SMAD2: variants seen among roughly 807,000 people sequenced by gnomAD.
SMAD2 encodes the protein MAD homolog 2.
A neutral mutation model predicts 64.4 loss-of-function variants in SMAD2; 8 were observed. The ratio of observed to expected loss-of-function variants is 0.12; its 90% CI spans 0.07 to 0.22. The LOEUF (loss-of-function observed/expected upper bound fraction) is 0.22. SMAD2 is among the 10% of genes least tolerant of loss of function. The pLI, the probability that SMAD2 is intolerant of heterozygous loss-of-function variation, is 1.00. For synonymous variants in SMAD2, 203 were observed against 195.8 expected, an observed-to-expected ratio of 1.04 and a Z score of -0.31; for missense variants, 289 against 561.2, an observed-to-expected ratio of 0.51 and a Z score of 4.90.
intron 2 of SMAD2, among the ~76,000 whole-genome samples, chr18:47,889,575 T>C (rs1014508587): frequency 6.6e-6 from 1 of 151,980 alleles, no homozygotes; most frequent in African/African-American, 2.4e-5. Flanking sequence ...ATCGAGACCA[T>C]CCTGGCTAAC....
At chr18:47,924,784 T>C (rs2034698458) in intron 1 of SMAD2, among the ~76,000 whole-genome samples, 1 of 152,190 alleles carries the variant, frequency 6.6e-6, no homozygotes, top group South Asian at 2.1e-4. Flanking sequence ...CATTCTGAAA[T>C]GAAAGACGTG....
In SMAD2 at chr18:47,822,459, CAAA is replaced by C. The variant is rs1414818973; in HGVS notation, c.*19365_*19367del. On this transcript the variant is annotated 3_prime_UTR_variant, in exon 11 of 11. Coordinates refer to ENST00000262160, the MANE Select transcript of SMAD2 (RefSeq NM_005901.6). ...AACTACTAATTAAGATCAACCACAA[CAAA>C]AAAAGTTACATGAGACTAAGTAACT... 2.0e-5 allele frequency: 3 copies of C among 152,050 alleles called. No homozygotes were observed. The allele number at this position is 152,050 out of a possible 1,614,324, so 9.4% of individuals were successfully genotyped here. A position where few individuals can be genotyped will look rare whatever the true frequency, so the allele number is the denominator to read the frequency against.
At chr18:47,901,575 T>TAC (rs10651360) in intron 1 of SMAD2, among the ~76,000 whole-genome samples, 86,917 of 151,746 alleles carry the variant, frequency 0.57, 25,253 homozygotes, top group East Asian at 0.82. Flanking sequence ...ATTCATTTGT[T>TAC]ACATTCTTTT....
At chr18:47,850,396 TTA>T (rs531314625) in intron 7 of SMAD2, among the ~76,000 whole-genome samples, 5 of 21,920 alleles carry the variant, frequency 2.3e-4, no homozygotes, top group African/African-American at 2.2e-4. Flanking sequence ...ATAATATATA[TTA>T]TATATTATGT....
At chr18:47,915,576 A>C (rs185571681) in intron 1 of SMAD2, among the ~76,000 whole-genome samples, 66 of 152,346 alleles carry the variant, frequency 4.3e-4, no homozygotes, top group African/African-American at 1.6e-3. Context: ...TTAACCAAAA[A>C]AAGTCCCACA....
At chr18:47,864,425 A>C (rs2031408819) in intron 6 of SMAD2, among the ~76,000 whole-genome samples, 1 of 152,206 alleles carries the variant, frequency 6.6e-6, no homozygotes, top group Admixed American at 6.5e-5. Context: ...TGTGATATTA[A>C]GGTGTCCAAC....
At chr18:47,923,175 T>C (rs1488370742) in intron 1 of SMAD2, among the ~76,000 whole-genome samples, 1 of 146,780 alleles carries the variant, frequency 6.8e-6, no homozygotes, top group African/African-American at 2.6e-5. Context: ...ATTCCCAGAT[T>C]ATTAAAAAAA....
chr18:47,894,958 T>A (rs546173679), intron 2 of SMAD2, among the ~76,000 whole-genome samples: 1 of 152,318 alleles, frequency 6.6e-6, no homozygotes, highest in Admixed American at 6.5e-5. Flanking sequence ...TTACTTCGTG[T>A]GCTAGCACAG....
intron 1 of SMAD2, among the ~76,000 whole-genome samples, chr18:47,898,222 T>C (rs767945894): frequency 3.1e-4 from 47 of 152,194 alleles, no homozygotes; most frequent in Non-Finnish European, 5.7e-4. Flanking sequence ...ACATTGCTGG[T>C]GAAAAGGTCA....
At chr18:47,876,136 A>G (rs1487855646) in intron 2 of SMAD2, among the ~76,000 whole-genome samples, 1 of 152,050 alleles carries the variant, frequency 6.6e-6, no homozygotes, top group Non-Finnish European at 1.5e-5. Context: ...AACATATCCT[A>G]AAGAGATTAT....
rs1006908210 is a variant in SMAD2 at position 47,837,514 on chromosome 18, A to G, written c.*4313T>C. Reference sequence around the variant, plus strand: ...GAGGCGGAGCTTGCAGTGAACCAAGATCGCACCACTGCACTCCAGGTTGGG... The same window carrying G: ...GAGGCGGAGCTTGCAGTGAACCAAGGTCGCACCACTGCACTCCAGGTTGGG... On this transcript the variant is annotated 3_prime_UTR_variant, in exon 11 of 11. Coordinates refer to ENST00000262160, the MANE Select transcript of SMAD2 (RefSeq NM_005901.6). 2.3e-5 allele frequency: 5 copies of G among 216,614 alleles called. No homozygotes were observed. In the South Asian group the frequency reaches 9.7e-4, roughly 42 times the overall value. The allele number at this position is 216,614 out of a possible 1,614,324, so 13.4% of individuals were successfully genotyped here. A position where few individuals can be genotyped will look rare whatever the true frequency, so the allele number is the denominator to read the frequency against.
chr18:47,912,068 C>G (rs568966028), intron 1 of SMAD2: 2 of 152,278 alleles, frequency 1.3e-5, no homozygotes, highest in African/African-American at 4.8e-5. Flanking sequence ...AAGTTGACAC[C>G]AGAGCACAAG....
At chr18:47,849,307 T>C (rs1914848748) in intron 7 of SMAD2, among the ~76,000 whole-genome samples, 1 of 152,108 alleles carries the variant, frequency 6.6e-6, no homozygotes, top group Non-Finnish European at 1.5e-5. Context: ...ACTACTTATT[T>C]CACTGGAAAA....
At chr18:47,922,984 T>G (rs765399505) in intron 1 of SMAD2, among the ~76,000 whole-genome samples, 1 of 151,958 alleles carries the variant, frequency 6.6e-6, no homozygotes, top group Non-Finnish European at 1.5e-5. Context: ...AAGCTTGAAT[T>G]TAATTCAAGA....
In SMAD2 at chr18:47,930,627, G is replaced by T. The variant is rs1479054839; in HGVS notation, c.-320C>A. ...GGGGAGGGGAGGGAGCCTGGCCGCC[G>T]CCCGCGGGGAAGGAGGGGGTGAGGA... On this transcript the variant is annotated 5_prime_UTR_variant, in exon 1 of 11. Transcript: ENST00000262160. 5.3e-5 allele frequency: 8 copies of T among 150,232 alleles called. No individual in the cohort carries two copies. Among genetic ancestry groups the T allele is most frequent in the Non-Finnish European group, 4.4e-5 (3 of 67,442 alleles). 9.3% of individuals were successfully genotyped at this position (150,232 alleles called of 1,614,324 possible). A position where few individuals can be genotyped will look rare whatever the true frequency, so the allele number is the denominator to read the frequency against.
At position 47,853,544 on chromosome 18, in the gene SMAD2, A is replaced by G. The variant is rs1332968959; in HGVS notation, c.731-2217T>C. On this transcript the variant is annotated intron_variant, in intron 6 of 10. Coordinates refer to ENST00000262160, the MANE Select transcript of SMAD2 (RefSeq NM_005901.6). ...GTCTCGAGAGGGAAAAAAAAAAAAG[A>G]GTAAGATAGGTCAGACCATCTTACA... is the stretch of plus-strand genomic sequence containing the variant. 6.6e-5 allele frequency: 12 copies of G among 182,950 alleles called. 2 individuals are homozygous for G. The highest frequency in any genetic ancestry group is 1.3e-4 in the Non-Finnish European group (12 of 90,674). 11.3% of individuals were successfully genotyped at this position (182,950 alleles called of 1,614,324 possible). A position where few individuals can be genotyped will look rare whatever the true frequency, so the allele number is the denominator to read the frequency against.
rs1040668838 is a variant in SMAD2 at position 47,834,644 on chromosome 18, C to CCTTA, written c.*7179_*7182dup. 9.9e-5 allele frequency: 6 copies of CCTTA among 60,310 alleles called. No homozygotes were observed. Among genetic ancestry groups the CCTTA allele is most frequent in the East Asian group, 5.4e-4 (5 of 9,292 alleles). The allele number at this position is 60,310 out of a possible 1,614,324, so 3.7% of individuals were successfully genotyped here. A position where few individuals can be genotyped will look rare whatever the true frequency, so the allele number is the denominator to read the frequency against. Reference sequence around the variant, plus strand: ...TAAAAGGCTAGGAAGTCCAGAAATACCTTAAACGTGTTAACTTTAAGAAGA... The same window carrying CCTTA: ...TAAAAGGCTAGGAAGTCCAGAAATACCTTACTTAAACGTGTTAACTTTAAGAAGA... On this transcript the variant is annotated 3_prime_UTR_variant, in exon 11 of 11. Coordinates refer to ENST00000262160, the MANE Select transcript of SMAD2 (RefSeq NM_005901.6).
chr18:47,928,126 T>C (rs2034843114), intron 1 of SMAD2, among the ~76,000 whole-genome samples: 1 of 152,028 alleles, frequency 6.6e-6, no homozygotes, highest in Admixed American at 6.6e-5. Flanking sequence ...TGACTCTTTG[T>C]CCTAAGAATA....
chr18:47,916,567 G>A (rs544458670), intron 1 of SMAD2, among the ~76,000 whole-genome samples: 1 of 151,838 alleles, frequency 6.6e-6, no homozygotes, highest in African/African-American at 2.4e-5. Context: ...ACCATGCTTG[G>A]CTAATTTTTG....
Sources: gnomAD v4.1 joint callset for allele counts (sites outside exome capture counted in the v4.1 genomes callset) on GRCh38, gnomAD v4.1.1 for gene constraint, MANE v1.5 for transcripts, NCBI Gene and HGNC (gene_info 2026-07-23, HGNC 2026-07-21) for gene names.